Variants in LRRC69 observed in about 807,000 individuals in gnomAD.
The protein encoded by LRRC69 is leucine-rich repeat-containing protein 69.
In LRRC69, 42 loss-of-function variants were observed where a neutral mutation model predicts 37.8. The observed-to-expected ratio is 1.11, with a 90% CI of 0.87 to 1.44. The LOEUF is 1.44. Ranked by LOEUF, LRRC69 falls within the 40% of genes most tolerant of loss-of-function variation. The pLI is 0.00. For synonymous variants in LRRC69, 141 were observed against 143.1 expected, an observed-to-expected ratio of 0.99 and a Z score of 0.11; for missense variants, 357 against 401.9, an observed-to-expected ratio of 0.89 and a Z score of 0.96.
At chr8:91,139,046 C>G (rs1003326321) in intron 5 of LRRC69, 3 of 146,432 alleles carry the variant, frequency 2.0e-5, no homozygotes, top group African/African-American at 7.7e-5. Context: ...GAGACCCTGT[C>G]TTGAAAAAAA....
At chr8:91,125,983 C>T (rs1278668813) in intron 2 of LRRC69, among the ~76,000 whole-genome samples, 1 of 151,814 alleles carries the variant, frequency 6.6e-6, no homozygotes, top group East Asian at 1.9e-4. Flanking sequence ...TTGGCATAGC[C>T]ATCATCTCAA....
intron 1 of LRRC69, among the ~76,000 whole-genome samples, chr8:91,116,075 A>G (rs974349150): frequency 6.6e-6 from 1 of 152,064 alleles, no homozygotes; most frequent in African/African-American, 2.4e-5. Context: ...GTTAGAAATT[A>G]AGAAAATAAG....
At chr8:91,206,677 C>G (rs555411832) in intron 7 of LRRC69, 4 of 1,289,182 alleles carry the variant, frequency 3.1e-6, no homozygotes, top group African/African-American at 1.5e-5. Context: ...ACTCTTATTT[C>G]ATGTCTCTCT....
chr8:91,108,060 A>G (rs1411237799), intron 1 of LRRC69, among the ~76,000 whole-genome samples: 1 of 152,094 alleles, frequency 6.6e-6, no homozygotes, highest in African/African-American at 2.4e-5. Flanking sequence ...GTTGACATGT[A>G]TCATAAAGTC....
chr8:91,143,247 C>T (rs1036044242), intron 5 of LRRC69, among the ~76,000 whole-genome samples: 1 of 151,984 alleles, frequency 6.6e-6, no homozygotes, highest in Admixed American at 6.6e-5. Flanking sequence ...ACTTTCGTTT[C>T]TGAGTTTTGT....
chr8:91,106,603 C>T (rs1813317441), intron 1 of LRRC69, among the ~76,000 whole-genome samples: 1 of 151,980 alleles, frequency 6.6e-6, no homozygotes, highest in Non-Finnish European at 1.5e-5. Flanking sequence ...TGTCAAAGGT[C>T]ACTCAACCAG....
intron 5 of LRRC69, among the ~76,000 whole-genome samples, chr8:91,143,022 A>T (rs1469478616): frequency 6.6e-6 from 1 of 152,106 alleles, no homozygotes; most frequent in Non-Finnish European, 1.5e-5. Flanking sequence ...ATGCCTATAT[A>T]GTTGGAGGCT....
At chr8:91,198,699 A>G (rs373877033) in intron 6 of LRRC69, among the ~76,000 whole-genome samples, 1 of 152,240 alleles carries the variant, frequency 6.6e-6, no homozygotes, top group East Asian at 1.9e-4. Context: ...ATTTTGAAAT[A>G]TTTTTATAGA....
chr8:91,189,572 C>G, exon 6 of LRRC69: 1 of 1,551,084 alleles, frequency 6.4e-7, no homozygotes, highest in Non-Finnish European at 8.7e-7. Context: ...ACCCACTGTT[C>G]CTGCAGCAGC....
intron 5 of LRRC69, among the ~76,000 whole-genome samples, chr8:91,170,093 C>T (rs1176141006): frequency 3.4e-5 from 4 of 116,922 alleles, no homozygotes; most frequent in African/African-American, 6.9e-5. Context: ...CCTGAGGAAT[C>T]GCCACACTGA....
At chr8:91,106,793 A>T (rs1043686896) in intron 1 of LRRC69, among the ~76,000 whole-genome samples, 1 of 151,496 alleles carries the variant, frequency 6.6e-6, no homozygotes, top group Non-Finnish European at 1.5e-5. Context: ...ATTTGTTTGC[A>T]TATTTTTTTT....
chr8:91,106,757 C>T (rs913384437), intron 1 of LRRC69, among the ~76,000 whole-genome samples: 2 of 151,862 alleles, frequency 1.3e-5, no homozygotes, highest in African/African-American at 4.8e-5. Flanking sequence ...CTGCTCTGAA[C>T]ACTACATGCA....
At chr8:91,149,710 C>T (rs1218200717) in intron 5 of LRRC69, among the ~76,000 whole-genome samples, 1 of 151,852 alleles carries the variant, frequency 6.6e-6, no homozygotes, top group African/African-American at 2.4e-5. Flanking sequence ...ATTCTTCCTA[C>T]CCATGAGCAT....
intron 5 of LRRC69, among the ~76,000 whole-genome samples, chr8:91,173,986 A>C (rs1279663009): frequency 2.0e-5 from 1 of 50,536 alleles, no homozygotes; most frequent in African/African-American, 8.7e-5. Context: ...TTTTTATTGA[A>C]AGAGAGCAAG....
intron 5 of LRRC69, among the ~76,000 whole-genome samples, chr8:91,163,169 C>A (rs1208284125): frequency 1.3e-5 from 2 of 151,216 alleles, no homozygotes; most frequent in Non-Finnish European, 3.0e-5. Context: ...GTCAAAGTAG[C>A]CTCTACTCTA....
rs529722354 is a variant in LRRC69, at chr8:91,205,865, A to G, written c.933+5073A>G. Among the ~76,000 whole-genome samples the G allele has an allele frequency of 9.2e-5, 14 of 152,342 alleles. No individual in the cohort carries two copies. The South Asian group carries it at 1.0e-3, about 11-fold the overall frequency. ...GGTTGCCTATAAAAGTTCTCTATGA[A>G]TAAGAAACAGTGATTTAAGTTGTTC... On this transcript the variant is annotated intron_variant, in intron 7 of 7. Coordinates refer to ENST00000448384, the Ensembl canonical transcript of LRRC69.
chr8:91,158,766 G>A lies in LRRC69; in HGVS notation c.651+23027G>A, dbSNP rs570339981. ...CAAGTCTGGCTGAATGAAATACATT[G>A]GTGATAAGTGGAAAAAAGAGAAAAA... On this transcript the variant is annotated intron_variant, in intron 5 of 7. Transcript: ENST00000448384. 5 of 814,098 alleles carry A rather than the reference G, an allele frequency of 6.1e-6. No homozygotes were observed. In the East Asian group the frequency reaches 7.3e-5, roughly 12 times the overall value. 50.4% of individuals were successfully genotyped at this position (814,098 alleles called of 1,614,324 possible).
intron 1 of LRRC69, chr8:91,118,351 CAAAAAAAAAAAAAAAAAAAAAAAAAA>C (rs10525965): frequency 0.038 from 3,848 of 101,626 alleles, 6 homozygotes; most frequent in South Asian, 0.081. Flanking sequence ...ACTAAAAATG[CAAAAAAAAAAAAAAAAAAAAAAAAAA>C]AAAAAAAAAA....
At chr8:91,116,744 G>A (rs1230583125) in intron 1 of LRRC69, among the ~76,000 whole-genome samples, 2 of 151,884 alleles carry the variant, frequency 1.3e-5, no homozygotes, top group African/African-American at 4.8e-5. Context: ...TTATTGCGAG[G>A]TCCACATTAG....
Sources: gnomAD v4.1 joint callset for allele counts (sites outside exome capture counted in the v4.1 genomes callset) on GRCh38, gnomAD v4.1.1 for gene constraint, MANE v1.5 for transcripts, NCBI Gene and HGNC (gene_info 2026-07-23, HGNC 2026-07-21) for gene names.